SMIM35: variants seen among roughly 807,000 people sequenced by gnomAD.
The protein encoded by SMIM35 is small integral membrane protein 35, also known as TMPRSS4 antisense RNA 1 (non-protein coding).
At position 118,051,346 on chromosome 11, in the gene SMIM35, G is replaced by A. The variant is rs932445517; in HGVS notation, c.7+35405C>T. Among the ~76,000 whole-genome samples the A allele has an allele frequency of 3.3e-5, 5 of 152,356 alleles. No homozygotes were observed. The East Asian group carries it at 9.6e-4, about 29-fold the overall frequency. Reference sequence around the variant, plus strand: ...ACTGCCTGGCACACAGGAGCCATTCGTGGATGCTGAAGTGAGCCATGAGGA... The same window carrying A: ...ACTGCCTGGCACACAGGAGCCATTCATGGATGCTGAAGTGAGCCATGAGGA... On this transcript the variant is annotated intron_variant, in intron 1 of 4. Transcript: ENST00000689828.
chr11:118,081,665 G>A (rs552469843), intron 1 of SMIM35, among the ~76,000 whole-genome samples: 3 of 152,252 alleles, frequency 2.0e-5, no homozygotes, highest in African/African-American at 7.2e-5. Flanking sequence ...ACATCAGTCT[G>A]GCTGGGCGTC....
chr11:118,078,013 C>CAAAAAAAAAAAAAA (rs148383275), intron 1 of SMIM35, among the ~76,000 whole-genome samples: 2 of 71,050 alleles, frequency 2.8e-5, no homozygotes, highest in African/African-American at 1.1e-4. Context: ...AACTCCGTCT[C>CAAAAAAAAAAAAAA]AAAAAAAAAA....
intron 1 of SMIM35, among the ~76,000 whole-genome samples, chr11:118,053,563 C>T (rs7938067): frequency 0.6 from 90,931 of 151,536 alleles, 27,425 homozygotes; most frequent in Non-Finnish European, 0.64. Flanking sequence ...AGAAACCATT[C>T]CTGCAACCTG....
chr11:118,049,510 G>A (rs551018668), intron 1 of SMIM35, among the ~76,000 whole-genome samples: 8 of 151,500 alleles, frequency 5.3e-5, no homozygotes, highest in Non-Finnish European at 8.8e-5. Context: ...CACCACGCCC[G>A]GCTAATTTTT....
chr11:118,061,138 GAC>G (rs978186213), intron 1 of SMIM35, among the ~76,000 whole-genome samples: 6 of 152,224 alleles, frequency 3.9e-5, no homozygotes, highest in Non-Finnish European at 7.3e-5. Flanking sequence ...ACAGACACAT[GAC>G]ACCCACAGTG....
At chr11:118,058,274 C>T (rs1002088982) in intron 1 of SMIM35, among the ~76,000 whole-genome samples, 3 of 152,176 alleles carry the variant, frequency 2.0e-5, no homozygotes, top group Non-Finnish European at 2.9e-5. Context: ...GCAGCCCCCA[C>T]GGTAATTGGC....
chr11:118,017,722 AGG>A (rs72517034), intron 1 of SMIM35, among the ~76,000 whole-genome samples: 5,882 of 152,242 alleles, frequency 0.039, 278 homozygotes, highest in African/African-American at 0.12. Flanking sequence ...TAAAGGAAAG[AGG>A]TTTAATTGAC....
chr11:118,029,981 A>G (rs528850614), intron 1 of SMIM35: 46 of 348,954 alleles, frequency 1.3e-4, no homozygotes, highest in African/African-American at 6.7e-4. Context: ...TCCTAACTAG[A>G]GCCTGGTTAT....
chr11:118,048,231 A>G (rs1944134675), intron 1 of SMIM35, among the ~76,000 whole-genome samples: 1 of 152,250 alleles, frequency 6.6e-6, no homozygotes, highest in African/African-American at 2.4e-5. Context: ...CAGATTTAAG[A>G]AAAATATTAG....
chr11:118,017,605 G>A (rs1051985995), intron 1 of SMIM35, among the ~76,000 whole-genome samples: 7 of 152,190 alleles, frequency 4.6e-5, no homozygotes, highest in Non-Finnish European at 8.8e-5. Context: ...AAATAAAGTG[G>A]TCAAGGAAGG....
intron 1 of SMIM35, among the ~76,000 whole-genome samples, chr11:118,067,976 G>T (rs1016843797): frequency 2.2e-5 from 3 of 136,128 alleles, no homozygotes; most frequent in South Asian, 2.3e-4. Flanking sequence ...CTATTTTTTC[G>T]CTATCCCAAT....
chr11:118,052,261 C>T (rs923400906), intron 1 of SMIM35, among the ~76,000 whole-genome samples: 4 of 152,176 alleles, frequency 2.6e-5, no homozygotes, highest in Admixed American at 6.5e-5. Flanking sequence ...TTCCCGCGTC[C>T]GGCCTTCTAC....
intron 1 of SMIM35, among the ~76,000 whole-genome samples, chr11:118,022,974 G>A (rs368862197): frequency 2.0e-5 from 3 of 150,478 alleles, no homozygotes; most frequent in South Asian, 2.1e-4. Flanking sequence ...CTACTGCTCC[G>A]AACCCATCTA....
chr11:118,006,729 A>T (rs2135007754), intron 4 of SMIM35, among the ~76,000 whole-genome samples: 1 of 152,328 alleles, frequency 6.6e-6, no homozygotes, highest in East Asian at 1.9e-4. Context: ...CCTAAAGAAA[A>T]GCAGCCTGTA....
intron 1 of SMIM35, among the ~76,000 whole-genome samples, chr11:118,052,984 G>C (rs1332287522): frequency 6.6e-6 from 1 of 152,168 alleles, no homozygotes; most frequent in Non-Finnish European, 1.5e-5. Context: ...GGTCCAGACA[G>C]GCTTATCTGA....
intron 1 of SMIM35, among the ~76,000 whole-genome samples, chr11:118,066,783 C>A (rs1160062915): frequency 1.3e-4 from 20 of 151,154 alleles, no homozygotes; most frequent in Admixed American, 1.1e-3. Context: ...CGTGATCCTG[C>A]CACTGCACTC....
chr11:118,038,747 C>T lies in SMIM35; in HGVS notation c.8-22938G>A, dbSNP rs1236543492. 8.0e-5 allele frequency among the ~76,000 whole-genome samples: 12 copies of T among 150,892 alleles called. No homozygotes were observed. The East Asian group carries it at 2.3e-3, about 29-fold the overall frequency. ...GAACTACTCTGAGAGGTTAGGAAAG[C>T]CTTTCCTGAATCTGACATTTAAGCA... On this transcript the variant is annotated intron_variant, in intron 1 of 4. Coordinates refer to ENST00000689828, the MANE Select transcript of SMIM35 (RefSeq NM_001394165.1).
intron 1 of SMIM35, among the ~76,000 whole-genome samples, chr11:118,073,213 C>T (rs142820030): frequency 4.1e-4 from 63 of 152,362 alleles, no homozygotes; most frequent in Non-Finnish European, 6.6e-4. Context: ...GCTGGGAATA[C>T]AGGCATGAGC....
At chr11:118,071,572 C>T (rs1156383082) in intron 1 of SMIM35, among the ~76,000 whole-genome samples, 2 of 152,180 alleles carry the variant, frequency 1.3e-5, no homozygotes, top group Non-Finnish European at 2.9e-5. Flanking sequence ...TCATGCCCAC[C>T]CACTGCGCCC....
Sources: allele counts gnomAD v4.1 joint callset (sites outside exome capture counted in the v4.1 genomes callset), GRCh38; gene constraint gnomAD v4.1.1; transcripts MANE v1.5; gene names NCBI Gene and HGNC (gene_info 2026-07-23, HGNC 2026-07-21).